Variants in DTD1 observed in about 807,000 individuals in gnomAD.
DTD1 encodes the protein D-tyrosyl-tRNA deacylase 1 homolog.
DTD1 carries 13 observed loss-of-function variants against 25.6 expected under a neutral mutation model. The observed-to-expected ratio is 0.51, with a 90% CI of 0.33 to 0.81. DTD1 has a LOEUF of 0.81. Ranked by LOEUF, DTD1 falls within the 30% of genes least tolerant of loss-of-function variation. The pLI is 0.02. For missense variants in DTD1, 193 were observed against 266.4 expected, an observed-to-expected ratio of 0.72 and a Z score of 1.92; for synonymous variants, 110 against 103.6, an observed-to-expected ratio of 1.06 and a Z score of -0.37.
chr20:18,720,447 A>G (rs1270445605), intron 4 of DTD1, among the ~76,000 whole-genome samples: 1 of 152,236 alleles, frequency 6.6e-6, no homozygotes, highest in Non-Finnish European at 1.5e-5. Context: ...TAAGATTTTC[A>G]GGAAATATCT....
At chr20:18,610,739 G>T (rs777562206) in intron 3 of DTD1, among the ~76,000 whole-genome samples, 1 of 152,012 alleles carries the variant, frequency 6.6e-6, no homozygotes, top group South Asian at 2.1e-4. Context: ...ACAAAATCTC[G>T]TCTCTACAAA....
chr20:18,682,048 G>A (rs140107735), intron 4 of DTD1, among the ~76,000 whole-genome samples: 144 of 152,296 alleles, frequency 9.5e-4, no homozygotes, highest in African/African-American at 3.0e-3. Context: ...GCCCACAGGC[G>A]TTAACAGTAC....
chr20:18,731,158 G>A (rs6112080), intron 4 of DTD1, among the ~76,000 whole-genome samples: 22 of 152,260 alleles, frequency 1.4e-4, no homozygotes, highest in African/African-American at 5.1e-4. Flanking sequence ...ATGGGATGAA[G>A]GATTGTAGCC....
intron 4 of DTD1, among the ~76,000 whole-genome samples, chr20:18,712,053 CAG>C (rs1195328184): frequency 6.8e-6 from 1 of 146,862 alleles, no homozygotes; most frequent in African/African-American, 2.5e-5. Flanking sequence ...GCCTGGGTGA[CAG>C]AGGGAGACTC....
chr20:18,612,857 C>T (rs989761435), intron 3 of DTD1, among the ~76,000 whole-genome samples: 1 of 152,110 alleles, frequency 6.6e-6, no homozygotes, highest in African/African-American at 2.4e-5. Context: ...CAGGGTTTCA[C>T]CATGTTGGCC....
intron 4 of DTD1, among the ~76,000 whole-genome samples, chr20:18,715,212 A>C (rs2061175312): frequency 6.6e-6 from 1 of 152,118 alleles, no homozygotes; most frequent in Non-Finnish European, 1.5e-5. Flanking sequence ...CCAGGGTCAG[A>C]ACACAGCAAG....
At chr20:18,719,154 T>C (rs921796245) in intron 4 of DTD1, among the ~76,000 whole-genome samples, 1 of 152,250 alleles carries the variant, frequency 6.6e-6, no homozygotes, top group Admixed American at 6.5e-5. Context: ...TGAATGCTTA[T>C]TACTTTCACA....
In DTD1 at chr20:18,645,391, G is replaced by A. The variant is rs143054699; in HGVS notation, c.477+17158G>A. 2.4e-3 allele frequency among the ~76,000 whole-genome samples: 372 copies of A among 152,304 alleles called. 7 individuals are homozygous for A. The highest frequency in any genetic ancestry group is 0.02 in the Admixed American group (301 of 15,306). ...TGTGTAACTCTAGATTGCAGTGCCC[G>A]GAGCAGAAGCAGAGGCATGTGGCCA... On this transcript the variant is annotated intron_variant, in intron 4 of 5. Transcript: ENST00000377452.
At chr20:18,761,741 A>G (rs1413401384) in intron 5 of DTD1, among the ~76,000 whole-genome samples, 1 of 152,240 alleles carries the variant, frequency 6.6e-6, no homozygotes, top group African/African-American at 2.4e-5. Context: ...CTCAAAGGTC[A>G]ATGTGGGGAA....
chr20:18,762,830 C>G (rs765707289), intron 5 of DTD1, among the ~76,000 whole-genome samples: 32 of 151,868 alleles, frequency 2.1e-4, no homozygotes, highest in Non-Finnish European at 3.8e-4. Context: ...GAAATGTCAT[C>G]AGTTTCTGCT....
chr20:18,648,632 C>T (rs113233622), intron 4 of DTD1, among the ~76,000 whole-genome samples: 3 of 152,234 alleles, frequency 2.0e-5, no homozygotes, highest in African/African-American at 7.2e-5. Context: ...TCTTCCTCCT[C>T]CACTTGTCAT....
intron 4 of DTD1, among the ~76,000 whole-genome samples, chr20:18,664,971 A>G (rs1568662564): frequency 6.6e-6 from 1 of 151,916 alleles, no homozygotes; most frequent in Non-Finnish European, 1.5e-5. Context: ...AGTGGTCTCT[A>G]GTGTGGGCTG....
At chr20:18,661,371 C>CT (rs565601536) in intron 4 of DTD1, among the ~76,000 whole-genome samples, 23,458 of 120,010 alleles carry the variant, frequency 0.2, 2,778 homozygotes, top group East Asian at 0.34. Flanking sequence ...GTCTTCTAGT[C>CT]TTTTTTTTTT....
chr20:18,708,465 C>T (rs1392607806), intron 4 of DTD1, among the ~76,000 whole-genome samples: 1 of 146,448 alleles, frequency 6.8e-6, no homozygotes, highest in Non-Finnish European at 1.5e-5. Flanking sequence ...AAGCGATTCT[C>T]GTGCCTCAGC....
At chr20:18,598,837 A>G (rs1324954438) in intron 3 of DTD1, among the ~76,000 whole-genome samples, 2 of 151,406 alleles carry the variant, frequency 1.3e-5, no homozygotes, top group African/African-American at 4.9e-5. Context: ...TGCCCTAAAA[A>G]TCCTCTGTGC....
chr20:18,700,215 A>G (rs1053369520), intron 4 of DTD1, among the ~76,000 whole-genome samples: 1 of 152,226 alleles, frequency 6.6e-6, no homozygotes, highest in African/African-American at 2.4e-5. Context: ...GCTGACCTTG[A>G]TCACTCACTT....
rs75511731 is a variant in DTD1, at chr20:18,619,307, T to C, written c.371-8820T>C. Among the ~76,000 whole-genome samples the C allele has an allele frequency of 1.1e-3, 169 of 152,382 alleles. 2 individuals are homozygous for C. In the East Asian group the frequency reaches 0.032, roughly 29 times the overall value. On this transcript the variant is annotated intron_variant, in intron 3 of 5. Coordinates refer to ENST00000377452, the MANE Select transcript of DTD1 (RefSeq NM_080820.6). ...ACAATTTTGATCCCTAAGCAGTAGATTGTCAATTTTTTGAAATGTCTGCTG... is the reference window on the plus strand; with the variant it reads ...ACAATTTTGATCCCTAAGCAGTAGACTGTCAATTTTTTGAAATGTCTGCTG...
At chr20:18,756,168 T>C (rs977063406) in intron 5 of DTD1, among the ~76,000 whole-genome samples, 1 of 152,268 alleles carries the variant, frequency 6.6e-6, no homozygotes, top group Non-Finnish European at 1.5e-5. Flanking sequence ...TTCTGGATAT[T>C]AGCCGTTTCT....
intron 5 of DTD1, among the ~76,000 whole-genome samples, chr20:18,747,754 T>C (rs1160909108): frequency 1.3e-5 from 2 of 151,940 alleles, no homozygotes; most frequent in African/African-American, 2.4e-5. Context: ...GGCTCACGCC[T>C]GTAATCCCAG....
Sources: gnomAD v4.1 joint callset for allele counts (sites outside exome capture counted in the v4.1 genomes callset) on GRCh38, gnomAD v4.1.1 for gene constraint, MANE v1.5 for transcripts, NCBI Gene and HGNC (gene_info 2026-07-23, HGNC 2026-07-21) for gene names.